The following MYO3A variants were observed in gnomAD, a reference collection of about 807,000 sequenced individuals.
MYO3A encodes myosin IIIA.
MYO3A carries 180 observed loss-of-function variants against 192.7 expected under a neutral mutation model. The ratio of observed to expected loss-of-function variants is 0.93; its 90% CI spans 0.83 to 1.06. The LOEUF is 1.06. Among genes scored for constraint, MYO3A ranks in the 50% least tolerant of loss-of-function variants. MYO3A has a pLI of 0.00. For missense variants in MYO3A, 1,896 were observed against 1,905.0 expected, an observed-to-expected ratio of 1.00 and a Z score of 0.09; for synonymous variants, 628 against 645.3, an observed-to-expected ratio of 0.97 and a Z score of 0.41.
At chr10:26,159,363 CTT>C (rs60037752) in intron 26 of MYO3A, among the ~76,000 whole-genome samples, 72 of 128,264 alleles carry the variant, frequency 5.6e-4, no homozygotes, top group Non-Finnish European at 4.8e-4. Context: ...TTTTCTTTTT[CTT>C]TTTTTTTTTT....
chr10:26,144,597 A>G (rs1442434887), intron 21 of MYO3A, among the ~76,000 whole-genome samples: 3 of 152,160 alleles, frequency 2.0e-5, no homozygotes, highest in African/African-American at 7.2e-5. Flanking sequence ...CTTTAAGATC[A>G]TGTTTTATTT....
chr10:26,065,604 A>ACC (rs1554817231), intron 10 of MYO3A, among the ~76,000 whole-genome samples: 5 of 129,864 alleles, frequency 3.9e-5, no homozygotes, highest in Non-Finnish European at 8.6e-5. Context: ...AAAAAAAAAA[A>ACC]AAAAAAAAAG....
At position 25,979,713 on chromosome 10, in the gene MYO3A, A is replaced by G. The variant is rs369889205; in HGVS notation, c.304-16777A>G. ...TTCAAGACCTACATACAGTCTAGGT[A>G]ATTGTGTGTTTTCCCTCTAATGAGG... On this transcript the variant is annotated intron_variant, in intron 4 of 34. Coordinates refer to ENST00000642920, the MANE Select transcript of MYO3A (RefSeq NM_017433.5). Among the ~76,000 whole-genome samples the G allele has an allele frequency of 3.3e-4, 50 of 152,158 alleles. 1 individual carries two copies. Among genetic ancestry groups the G allele is most frequent in the Admixed American group, 5.2e-4 (8 of 15,284 alleles).
At chr10:25,986,966 A>G (rs946768014) in intron 4 of MYO3A, among the ~76,000 whole-genome samples, 7 of 152,134 alleles carry the variant, frequency 4.6e-5, no homozygotes, top group Non-Finnish European at 2.9e-5. Flanking sequence ...AAACCACACT[A>G]TAGGCCATAG....
intron 4 of MYO3A, among the ~76,000 whole-genome samples, chr10:25,972,333 C>T (rs1436918993): frequency 6.6e-6 from 1 of 151,726 alleles, no homozygotes; most frequent in Non-Finnish European, 1.5e-5. Context: ...GAGACATTAC[C>T]ATCAAACCTT....
At chr10:25,946,621 G>A (rs1234679358) in intron 2 of MYO3A, among the ~76,000 whole-genome samples, 3 of 150,416 alleles carry the variant, frequency 2.0e-5, no homozygotes, top group South Asian at 2.1e-4. Context: ...GGCTCACACC[G>A]GTAATCCCAG....
intron 4 of MYO3A, among the ~76,000 whole-genome samples, chr10:25,969,921 A>G (rs1286216763): frequency 6.6e-6 from 1 of 152,112 alleles, no homozygotes; most frequent in African/African-American, 2.4e-5. Context: ...ATTTTAATAT[A>G]AGGCAAGGTA....
intron 7 of MYO3A, among the ~76,000 whole-genome samples, chr10:26,019,434 A>G (rs1842179941): frequency 6.6e-6 from 1 of 151,778 alleles, no homozygotes; most frequent in African/African-American, 2.4e-5. Context: ...AATTTTTTAT[A>G]TTTTTAGTAG....
chr10:25,970,712 A>T (rs1391590324), intron 4 of MYO3A, among the ~76,000 whole-genome samples: 2 of 151,954 alleles, frequency 1.3e-5, no homozygotes, highest in African/African-American at 4.8e-5. Context: ...AAGAAAATAC[A>T]TATTATTTAT....
rs183154142 is a variant in MYO3A, at chr10:26,089,390, A to G, written c.1562+985A>G. 8.0e-3 allele frequency among the ~76,000 whole-genome samples: 1,216 copies of G among 152,256 alleles called. 11 individuals carry two copies. The highest frequency in any genetic ancestry group is 0.011 in the Non-Finnish European group (742 of 68,008). Reference sequence around the variant, plus strand: ...GCCAAGGCGGGTGGATCACGCGGTCAGGAGATTGAGACCATCCTGGCTAAC... The same window carrying G: ...GCCAAGGCGGGTGGATCACGCGGTCGGGAGATTGAGACCATCCTGGCTAAC... On this transcript the variant is annotated intron_variant, in intron 15 of 34. Coordinates refer to ENST00000642920, the MANE Select transcript of MYO3A (RefSeq NM_017433.5).
chr10:26,064,885 G>A (rs73610388), intron 10 of MYO3A, among the ~76,000 whole-genome samples: 2,354 of 152,262 alleles, frequency 0.015, 50 homozygotes, highest in African/African-American at 0.052. Flanking sequence ...TTTGGGATGT[G>A]TCTGTCTCTC....
intron 4 of MYO3A, among the ~76,000 whole-genome samples, chr10:25,964,919 T>C (rs979504696): frequency 1.3e-5 from 2 of 152,214 alleles, no homozygotes; most frequent in Non-Finnish European, 2.9e-5. Flanking sequence ...TTTAAATATG[T>C]CATGCCACTC....
intron 12 of MYO3A, 60 bp from the exon 13 acceptor site, chr10:26,070,051 T>C: frequency 1.6e-6 from 2 of 1,238,814 alleles, no homozygotes; most frequent in Non-Finnish European, 2.3e-6. Context: ...TATTTGTAAA[T>C]AATTCAGGAC....
intron 17 of MYO3A, among the ~76,000 whole-genome samples, chr10:26,106,221 T>C (rs1363554157): frequency 6.6e-6 from 1 of 152,112 alleles, no homozygotes; most frequent in Non-Finnish European, 1.5e-5. Context: ...AGCACTGTGA[T>C]TTTCATGATA....
At chr10:26,169,460 GAAA>G (rs72443477) in intron 28 of MYO3A, among the ~76,000 whole-genome samples, 1 of 151,788 alleles carries the variant, frequency 6.6e-6, no homozygotes, top group Non-Finnish European at 1.5e-5. Context: ...GATACTTAGA[GAAA>G]AAAAATGTAT....
intron 4 of MYO3A, among the ~76,000 whole-genome samples, chr10:25,983,866 A>G (rs1839486764): frequency 6.6e-6 from 1 of 152,242 alleles, no homozygotes; most frequent in Admixed American, 6.5e-5. Context: ...AGGCAAAAGC[A>G]TCAGGTAACC....
At chr10:26,142,903 T>G (rs1442211706) in intron 20 of MYO3A, among the ~76,000 whole-genome samples, 2 of 152,212 alleles carry the variant, frequency 1.3e-5, no homozygotes, top group African/African-American at 4.8e-5. Flanking sequence ...TCCTACATCT[T>G]GAAAACTTAG....
intron 4 of MYO3A, among the ~76,000 whole-genome samples, chr10:25,995,076 G>C (rs754251356): frequency 4.2e-4 from 64 of 152,076 alleles, no homozygotes; most frequent in Non-Finnish European, 8.7e-4. Flanking sequence ...GGTTGGGGAA[G>C]TTCTCCTGGA....
intron 32 of MYO3A, among the ~76,000 whole-genome samples, chr10:26,194,935 G>A (rs571566000): frequency 1.1e-4 from 17 of 152,220 alleles, no homozygotes; most frequent in South Asian, 6.2e-4. Context: ...ATACATGGGC[G>A]CACACACTCA....
Sources: allele counts gnomAD v4.1 joint callset (sites outside exome capture counted in the v4.1 genomes callset), GRCh38; gene constraint gnomAD v4.1.1; transcripts MANE v1.5; gene names NCBI Gene and HGNC (gene_info 2026-07-23, HGNC 2026-07-21).